Variants in DGKZ observed in about 807,000 individuals in gnomAD.
DGKZ encodes the protein DAG kinase zeta.
In DGKZ, 45 loss-of-function variants were observed where a neutral mutation model predicts 142.5. The ratio of observed to expected loss-of-function variants is 0.32; its 90% CI spans 0.25 to 0.40. The LOEUF is 0.40. DGKZ is among the 10% of genes least tolerant of loss of function. The pLI, the probability that DGKZ is intolerant of heterozygous loss-of-function variation, is 1.00. For missense variants in DGKZ, 755 were observed against 1,306.5 expected, an observed-to-expected ratio of 0.58 and a Z score of 6.51; for synonymous variants, 442 against 527.0, an observed-to-expected ratio of 0.84 and a Z score of 2.21.
chr11:46,360,883 G>A (rs1213340006), intron 1 of DGKZ, among the ~76,000 whole-genome samples: 4 of 152,206 alleles, frequency 2.6e-5, no homozygotes, highest in African/African-American at 9.7e-5. Context: ...TGGGAGTTGG[G>A]GGGGTGGCAT....
In DGKZ at chr11:46,342,124, A is replaced by C. The variant is rs1940306927; in HGVS notation, c.212+8637A>C. ...TGGGGCCTCAACAAAGCCCAGAATAATTTTCTTACCCAGATTCTTCTTCCT... is the reference window on the plus strand; with the variant it reads ...TGGGGCCTCAACAAAGCCCAGAATACTTTTCTTACCCAGATTCTTCTTCCT... On this transcript the variant is annotated intron_variant, in intron 1 of 30. Transcript: ENST00000343674. Among the ~76,000 whole-genome samples, 4 of 152,156 alleles carry C rather than the reference A, an allele frequency of 2.6e-5. No individual in the cohort carries two copies. In the South Asian group the frequency reaches 8.3e-4, roughly 32 times the overall value.
chr11:46,369,951 T>C, exon 6 of DGKZ: 1 of 1,613,896 alleles, frequency 6.2e-7, no homozygotes, highest in Non-Finnish European at 8.5e-7. Flanking sequence ...CCAACCTTTG[T>C]ACGGCACCAC....
rs750536005 is a variant in DGKZ, at chr11:46,367,863, T to G, written c.366+116T>G. On this transcript the variant is annotated intron_variant, in intron 3 of 30. Transcript: ENST00000527911. This position sits in a 1 kb window ranked among gnomAD's most constrained non-coding sequence, Gnocchi z 4.1. The stretch of plus-strand genomic sequence containing the variant: ...ACCCCTGCTGTGGGCCGCCCCAGGA[T>G]GGTGAGGGGTGCAGGGGCTTTGTCC... 4 of 1,508,510 alleles carry G rather than the reference T, an allele frequency of 2.7e-6. No homozygotes were observed. The South Asian group carries it at 4.5e-5, about 17-fold the overall frequency. 93.4% of individuals were successfully genotyped at this position (1,508,510 alleles called of 1,614,324 possible). A position where few individuals can be genotyped will look rare whatever the true frequency, so the allele number is the denominator to read the frequency against.
upstream of DGKZ, among the ~76,000 whole-genome samples, chr11:46,345,763 G>C (rs139299639): frequency 6.6e-6 from 1 of 152,180 alleles, no homozygotes; most frequent in Non-Finnish European, 1.5e-5. The surrounding 1 kb of genome is among the most constrained non-coding windows in gnomAD (Gnocchi z 4.1). Context: ...TGTTTGGACT[G>C]TGTGGAGGAA....
intron 27 of DGKZ, 172 bp downstream of exon 27, chr11:46,378,672 T>G: frequency 1.0e-6 from 1 of 954,142 alleles, no homozygotes; most frequent in Non-Finnish European, 1.6e-6. Context: ...TATCTCTGTC[T>G]AGGCCACAAT....
At chr11:46,368,194 G>A (rs747664293) in intron 4 of DGKZ, 115 bp downstream of exon 4, 73 of 1,118,810 alleles carry the variant, frequency 6.5e-5, no homozygotes, top group African/African-American at 1.2e-4. Flanking sequence ...CCCAGCACTC[G>A]GGGGTGAAGA....
intron 14 of DGKZ, among the ~76,000 whole-genome samples, chr11:46,373,390 G>A (rs1420833533): frequency 6.7e-6 from 1 of 148,264 alleles, no homozygotes; most frequent in Non-Finnish European, 1.5e-5. Flanking sequence ...AGGTTCAAGC[G>A]ATTCTCCTGC....
At chr11:46,362,754 C>T (rs896834850) in intron 1 of DGKZ, among the ~76,000 whole-genome samples, 4 of 152,172 alleles carry the variant, frequency 2.6e-5, no homozygotes, top group African/African-American at 9.7e-5. Flanking sequence ...GGTGGGTGTC[C>T]TGTCCGCTCC....
In DGKZ at chr11:46,372,591, C is replaced by T; in HGVS notation, c.1011-26C>T. ...GGGGTACAGCACACATCCCCTGACC[C>T]CACTGCCATCTTCCCATGAGCCCAG... On this transcript the variant is annotated intron_variant, in intron 11 of 30. Coordinates refer to ENST00000527911, the Ensembl canonical transcript of DGKZ. This position sits in a 1 kb window ranked among gnomAD's most constrained non-coding sequence, Gnocchi z 5.9. 1 of 1,613,870 alleles carries T rather than the reference C, an allele frequency of 6.2e-7. No homozygotes were observed. Among genetic ancestry groups the T allele is most frequent in the Non-Finnish European group, 8.5e-7 (1 of 1,179,982 alleles).
chr11:46,364,962 G>A (rs935537665), intron 1 of DGKZ: 54 of 985,362 alleles, frequency 5.5e-5, no homozygotes, highest in East Asian at 3.4e-4. Flanking sequence ...ATCACCTGCT[G>A]TGGGGCACAG....
At chr11:46,358,348 T>A (rs976207688) in intron 1 of DGKZ, among the ~76,000 whole-genome samples, 4 of 152,208 alleles carry the variant, frequency 2.6e-5, no homozygotes, top group Non-Finnish European at 5.9e-5. Context: ...GCACCTTTGC[T>A]GCAAACCAAA....
intron 20 of DGKZ, 78 bp downstream of exon 20, chr11:46,375,709 A>G (rs1944451346): frequency 3.4e-5 from 51 of 1,511,478 alleles, no homozygotes; most frequent in Non-Finnish European, 4.3e-5. Flanking sequence ...CCCCATCTGT[A>G]AAAGGGGCTG....
chr11:46,372,123 A>G lies in DGKZ; in HGVS notation c.880A>G (p.Met294Val), dbSNP rs753782388. Residue 294 changes from methionine to valine, a missense_variant, in exon 10 of 31, where the codon ATG (methionine) becomes GTG (valine). Physicochemically the swap from Met to Val is conservative, Grantham distance 21 (BLOSUM62 1). Coordinates refer to ENST00000527911, the Ensembl canonical transcript of DGKZ. This position sits in a 1 kb window ranked among gnomAD's most constrained non-coding sequence, Gnocchi z 5.9. ...CATCAGGCCCACCCCCTCCCCGCTC[A>G]TGAAGCCCCTGCTGGTGTTTGTGAA... 1.3e-5 allele frequency: 21 copies of G among 1,612,144 alleles called. No individual in the cohort carries two copies. Among genetic ancestry groups the G allele is most frequent in the Non-Finnish European group, 1.7e-5 (20 of 1,179,430 alleles).
At chr11:46,375,342 G>A (rs1018778147) in intron 19 of DGKZ, 90 bp from the exon 20 acceptor site, 1 of 1,411,700 alleles carries the variant, frequency 7.1e-7, no homozygotes, top group Admixed American at 2.1e-5. Context: ...TTGTTCTCTG[G>A]CTAGAGTTTC....
intron 18 of DGKZ, 32 bp downstream of exon 18, chr11:46,374,871 C>T (rs1314056890): frequency 1.3e-6 from 2 of 1,581,678 alleles, no homozygotes; most frequent in Non-Finnish European, 1.7e-6. Flanking sequence ...CTGGGGGGAG[C>T]CCTGCTGTCC....
upstream of DGKZ, chr11:46,345,664 A>T: frequency 7.4e-7 from 1 of 1,345,124 alleles, no homozygotes; most frequent in Non-Finnish European, 9.9e-7. The surrounding 1 kb of genome is among the most constrained non-coding windows in gnomAD (Gnocchi z 4.1). Context: ...TGGGGGTGAC[A>T]GAAGTAGGGT....
chr11:46,345,141 G>A, upstream of DGKZ: 1 of 647,664 alleles, frequency 1.5e-6, no homozygotes, highest in Non-Finnish European at 2.3e-6. The surrounding 1 kb of genome is among the most constrained non-coding windows in gnomAD (Gnocchi z 4.1). Flanking sequence ...AGTTTAAATG[G>A]AGAGGAAAAC....
chr11:46,364,225 T>C, intron 1 of DGKZ: 1 of 581,514 alleles, frequency 1.7e-6, no homozygotes, highest in Non-Finnish European at 2.9e-6. Flanking sequence ...CACACTGACT[T>C]GCCGTGGACT....
chr11:46,345,419 C>T, upstream of DGKZ: 1 of 1,442,140 alleles, frequency 6.9e-7, no homozygotes, highest in Admixed American at 3.3e-5. The surrounding 1 kb of genome is among the most constrained non-coding windows in gnomAD (Gnocchi z 4.1). Flanking sequence ...GATGAGCGCA[C>T]CGGGGGCTGG....
Sources: allele counts gnomAD v4.1 joint callset (sites outside exome capture counted in the v4.1 genomes callset), GRCh38; gene constraint gnomAD v4.1.1; non-coding constraint Gnocchi (gnomAD v3.1); transcripts MANE v1.5; gene names NCBI Gene and HGNC (gene_info 2026-07-23, HGNC 2026-07-21).